Variants in IWS1 observed in about 807,000 individuals in gnomAD.
The protein encoded by IWS1 is interacts with SUPT6H, CTD assembly factor 1.
Under a neutral mutation model 86.7 loss-of-function variants are expected in IWS1, and 27 were observed. The ratio of observed to expected loss-of-function variants is 0.31; its 90% CI spans 0.23 to 0.43. IWS1 has a LOEUF of 0.43. IWS1 is among the 20% of genes least tolerant of loss of function. IWS1 has a pLI of 1.00. For synonymous variants in IWS1, 313 were observed against 335.1 expected, an observed-to-expected ratio of 0.93 and a Z score of 0.72; for missense variants, 827 against 1,000.8, an observed-to-expected ratio of 0.83 and a Z score of 2.34.
At chr2:127,481,284 G>A (rs1481541016) in intron 13 of IWS1, 109 bp from the exon 14 acceptor site, 4 of 952,180 alleles carry the variant, frequency 4.2e-6, no homozygotes, top group Non-Finnish European at 6.0e-6. Flanking sequence ...TCTAGCTCTG[G>A]AATAACCAGA....
chr2:127,501,089 AC>A (rs976242144), intron 5 of IWS1, among the ~76,000 whole-genome samples: 2 of 152,174 alleles, frequency 1.3e-5, no homozygotes, highest in African/African-American at 4.8e-5. Context: ...TTATACACAT[AC>A]TTTTGTTGCT....
intron 3 of IWS1, among the ~76,000 whole-genome samples, 194 bp downstream of exon 3, chr2:127,504,490 T>A (rs185725410): frequency 6.6e-6 from 1 of 152,182 alleles, no homozygotes; most frequent in East Asian, 1.9e-4. Flanking sequence ...TATGTGCTAA[T>A]AGAACTCCAA....
At position 127,504,818 on chromosome 2, in the gene IWS1, C is replaced by A. The variant is rs1691027364; in HGVS notation, c.1085G>T (p.Ser362Ile). Residue 362 changes from serine to isoleucine, a missense_variant, in exon 3 of 14, where the codon AGT (serine) becomes ATT (isoleucine). Physicochemically the swap from Ser to Ile is moderately radical, Grantham distance 142. Coordinates refer to ENST00000295321, the MANE Select transcript of IWS1 (RefSeq NM_017969.3). Reference protein sequence around the residue: ...DSHMDRKKFHSSDSEEEEHKK... With the variant: ...DSHMDRKKFHISDSEEEEHKK... Reference sequence around the variant, plus strand: ...GTGTTCTTCCTCCTCACTATCAGAACTGTGAAACTTTTTTCTGTCCATATG... The same window carrying A: ...GTGTTCTTCCTCCTCACTATCAGAAATGTGAAACTTTTTTCTGTCCATATG... The A allele has an allele frequency of 6.2e-7, 1 of 1,614,068 alleles. No individual in the cohort carries two copies. The highest frequency in any genetic ancestry group is 1.3e-5 in the African/African-American group (1 of 74,910).
At position 127,526,447 on chromosome 2, in the gene IWS1, C is replaced by G; in HGVS notation, c.-239G>C. The G allele has an allele frequency of 2.0e-6, 3 of 1,533,084 alleles. No individual in the cohort carries two copies. The highest frequency in any genetic ancestry group is 2.6e-6 in the Non-Finnish European group (3 of 1,141,360). The allele number at this position is 1,533,084 out of a possible 1,614,324, so 95.0% of individuals were successfully genotyped here. On this transcript the variant is annotated 5_prime_UTR_variant, in exon 1 of 14. Transcript: ENST00000295321. ...GCGGGCGGGCAGGCATGCGAGCCGGCGTTCTACTTCCTAGAAGCACCGCTG... is the reference window on the plus strand; with the variant it reads ...GCGGGCGGGCAGGCATGCGAGCCGGGGTTCTACTTCCTAGAAGCACCGCTG...
chr2:127,527,326 G>C (rs1274225155), upstream of IWS1, among the ~76,000 whole-genome samples: 5 of 152,118 alleles, frequency 3.3e-5, no homozygotes, highest in South Asian at 2.1e-4. Context: ...GATTAGTTGA[G>C]ATTAGAACTC....
rs1201668699 is a variant in IWS1, at chr2:127,505,943, C to T, written c.151-191G>A. 6.5e-6 allele frequency: 3 copies of T among 458,520 alleles called. No individual in the cohort carries two copies. Among genetic ancestry groups the T allele is most frequent in the African/African-American group, 6.0e-5 (3 of 49,672 alleles). The allele number at this position is 458,520 out of a possible 1,614,324, so 28.4% of individuals were successfully genotyped here. On this transcript the variant is annotated intron_variant, in intron 2 of 13. Coordinates refer to ENST00000295321, the MANE Select transcript of IWS1 (RefSeq NM_017969.3). This position sits in a 1 kb window ranked among gnomAD's most constrained non-coding sequence, Gnocchi z 5.0. Reference sequence around the variant, plus strand: ...ATCAGTGAAATGGTTTTATTTGGATCCCCAAATGGGGAAATATAACCAGCC... The same window carrying T: ...ATCAGTGAAATGGTTTTATTTGGATTCCCAAATGGGGAAATATAACCAGCC...
chr2:127,506,035 A>AT (rs1259506940), intron 2 of IWS1, among the ~76,000 whole-genome samples: 1 of 152,264 alleles, frequency 6.6e-6, no homozygotes, highest in East Asian at 1.9e-4. Context: ...GAAGAGCTAG[A>AT]TTTTTTCTTT....
At chr2:127,496,294 G>A (rs748186476) in intron 6 of IWS1, 146 bp from the exon 7 acceptor site, 84 of 860,378 alleles carry the variant, frequency 9.8e-5, no homozygotes, top group Admixed American at 1.8e-4. Flanking sequence ...GTCATGCGCC[G>A]CATAACGATG....
chr2:127,484,524 TATGGGGAA>T (rs1689822620), intron 13 of IWS1: 1 of 152,324 alleles, frequency 6.6e-6, no homozygotes, highest in Admixed American at 6.5e-5. Flanking sequence ...CTGCTCCACC[TATGGGGAA>T]GTGGGACCAG....
chr2:127,492,195 C>G, intron 9 of IWS1, 107 bp from the exon 10 acceptor site: 1 of 693,140 alleles, frequency 1.4e-6, no homozygotes, highest in Non-Finnish European at 2.6e-6. Flanking sequence ...ATAAAAAATT[C>G]CATTTTCAGG....
intron 2 of IWS1, among the ~76,000 whole-genome samples, chr2:127,517,648 T>G (rs1337362366): frequency 1.3e-5 from 2 of 152,198 alleles, no homozygotes; most frequent in Non-Finnish European, 2.9e-5. Context: ...GTGTAACCAC[T>G]GTGGAAAATA....
In IWS1 at chr2:127,505,205, T is replaced by C; in HGVS notation, c.698A>G (p.Gln233Arg). 6.2e-7 allele frequency: 1 copy of C among 1,614,040 alleles called. No individual in the cohort carries two copies. Among genetic ancestry groups the C allele is most frequent in the Non-Finnish European group, 8.5e-7 (1 of 1,179,952 alleles). The change falls in exon 3 of 14, where the codon CAG (glutamine) becomes CGG (arginine). Residue 233 changes from glutamine to arginine, a missense_variant. Gln to Arg is a conservative substitution (Grantham distance 43, BLOSUM62 1). Around this residue, in one of 2 missense-constraint regions of IWS1, gnomAD observed 548 missense variants for 560.2 expected, o/e 0.98. Transcript: ENST00000295321. The surrounding 1 kb of genome is among the most constrained non-coding windows in gnomAD (Gnocchi z 5.0). ...DSESEEPPRH[Q>R]ASDSENEELP... ...CTCCTCATTTTCAGAGTCACTGGCC[T>C]GGTGCCTTGGGGGTTCCTCACTTTC... is the stretch of plus-strand genomic sequence containing the variant.
At chr2:127,498,019 A>G in intron 6 of IWS1, 121 bp downstream of exon 6, 1 of 682,174 alleles carries the variant, frequency 1.5e-6, no homozygotes, top group Non-Finnish European at 2.5e-6. Context: ...ATGGAGAAAA[A>G]CAGGAATAGA....
intron 13 of IWS1, among the ~76,000 whole-genome samples, chr2:127,483,625 CGTGTGCGTGTGTGTGT>C (rs1689773925): frequency 2.2e-5 from 1 of 44,878 alleles, no homozygotes. Context: ...TGTGTGTGTG[CGTGTGCGTGTGTGTGT>C]GTGTGTGTTT....
Position 127,526,056 on chromosome 2 carries a change from C to T in IWS1, c.34+119G>A, listed in dbSNP as rs145042385. 4.2e-6 allele frequency: 4 copies of T among 949,106 alleles called. No individual in the cohort carries two copies. In the East Asian group the frequency reaches 1.1e-4, roughly 25 times the overall value. The allele number at this position is 949,106 out of a possible 1,614,324, so 58.8% of individuals were successfully genotyped here. On this transcript the variant is annotated intron_variant, in intron 1 of 13. Transcript: ENST00000295321. ...CAGAGGGCTCTTGCCCTCCTCGGGC[C>T]GGGTCGCGGGAGGGAAGGTTTCGGG...
intron 2 of IWS1, among the ~76,000 whole-genome samples, chr2:127,508,106 G>A (rs1351191267): frequency 6.6e-6 from 1 of 152,120 alleles, no homozygotes; most frequent in Non-Finnish European, 1.5e-5. Flanking sequence ...AGTAATAAAG[G>A]CCTTAAGTGG....
rs1265809757 is a variant in IWS1, at chr2:127,494,790, T to C, written c.1799+82A>G. ...CCGATAGAAGTCTATCATTATTTAA[T>C]ATTCCTAGAACACCAGTACATCATT... On this transcript the variant is annotated intron_variant, in intron 8 of 13. Transcript: ENST00000295321. 4 of 668,828 alleles carry C rather than the reference T, an allele frequency of 6.0e-6. No individual in the cohort carries two copies. In the East Asian group the frequency reaches 8.5e-5, roughly 14 times the overall value. The allele number at this position is 668,828 out of a possible 1,614,324, so 41.4% of individuals were successfully genotyped here. A position where few individuals can be genotyped will look rare whatever the true frequency, so the allele number is the denominator to read the frequency against.
intron 10 of IWS1, among the ~76,000 whole-genome samples, chr2:127,490,529 G>A (rs770394051): frequency 6.6e-6 from 1 of 152,146 alleles, no homozygotes; most frequent in South Asian, 2.1e-4. Flanking sequence ...TTTGTTCTAA[G>A]ACATAATGTA....
In IWS1 at chr2:127,504,903, C is replaced by T. The variant is rs755425442; in HGVS notation, c.1000G>A (p.Asp334Asn). The change falls in exon 3 of 14, where the codon GAC (aspartate) becomes AAC (asparagine). Residue 334 changes from aspartate (D) to asparagine (N), a missense_variant. By Grantham distance (23) the Asp-to-Asn change is conservative (BLOSUM62 1). Around this residue, in one of 2 missense-constraint regions of IWS1, gnomAD observed 548 missense variants for 560.2 expected, o/e 0.98. Coordinates refer to ENST00000295321, the MANE Select transcript of IWS1 (RefSeq NM_017969.3). ...KQKPESDDDSDRENKGEDTEM... is the reference protein window; with the variant it reads ...KQKPESDDDSNRENKGEDTEM... ...GTATCCTCTCCCTTATTCTCCCTGT[C>T]GCTGTCATCATCTGACTCTGGCTTC... is the stretch of plus-strand genomic sequence containing the variant. 3 of 1,614,142 alleles carry T rather than the reference C, an allele frequency of 1.9e-6. No individual in the cohort carries two copies. The highest frequency in any genetic ancestry group is 1.7e-5 in the Admixed American group (1 of 60,014).
Sources: allele counts gnomAD v4.1 joint callset (sites outside exome capture counted in the v4.1 genomes callset), GRCh38; gene constraint gnomAD v4.1.1; regional missense constraint gnomAD v4.1.1; non-coding constraint Gnocchi (gnomAD v3.1); transcripts MANE v1.5; gene names NCBI Gene and HGNC (gene_info 2026-07-23, HGNC 2026-07-21).